THADA: variants seen among roughly 807,000 people sequenced by gnomAD.
THADA encodes the protein tRNA (32-2'-O)-methyltransferase regulator THADA.
THADA carries 213 observed loss-of-function variants against 219.8 expected under a neutral mutation model. The ratio of observed to expected loss-of-function variants is 0.97; its 90% confidence interval spans 0.87 to 1.09. The LOEUF is 1.09. THADA is among the 50% of genes least tolerant of loss of function. The pLI, the probability that THADA is intolerant of heterozygous loss-of-function variation, is 0.00. For missense variants in THADA, 2,956 were observed against 2,311.3 expected (o/e 1.28, Z -5.72); for synonymous variants, 1,018 against 828.9 (o/e 1.23, Z -3.92).
At chr2:43,466,584 C>G (rs1220835049) in intron 26 of THADA, among the ~76,000 whole-genome samples, 1 of 152,144 alleles carries the variant, frequency 6.6e-6, no homozygotes, top group Non-Finnish European at 1.5e-5. Context: ...CTCCTAATGC[C>G]CAGCATATTA....
intron 19 of THADA, among the ~76,000 whole-genome samples, chr2:43,551,296 T>C (rs916432797): frequency 1.3e-5 from 2 of 152,236 alleles, no homozygotes; most frequent in African/African-American, 2.4e-5. Context: ...TTAGCACAGG[T>C]TAAGCATCCC....
chr2:43,443,973 T>C lies in THADA; in HGVS notation c.3837-13671A>G, dbSNP rs1681193937. ...CTCCACAGAGCCCACAGCCAGGGCC[T>C]GGACAAAACAGGTCAGCAACAGAGG... On this transcript the variant is annotated intron_variant, in intron 26 of 37. Transcript: ENST00000405975. 3.3e-5 allele frequency among the ~76,000 whole-genome samples: 5 copies of C among 152,274 alleles called. No individual in the cohort carries two copies. The South Asian group carries it at 1.0e-3, about 32-fold the overall frequency.
chr2:43,385,744 T>A (rs1279463806), intron 29 of THADA, among the ~76,000 whole-genome samples: 1 of 151,574 alleles, frequency 6.6e-6, no homozygotes, highest in Non-Finnish European at 1.5e-5. Context: ...GAAAAAAGTG[T>A]CAAACAGCAC....
intron 29 of THADA, among the ~76,000 whole-genome samples, chr2:43,377,429 A>G (rs1573351849): frequency 6.6e-6 from 1 of 152,110 alleles, no homozygotes; most frequent in Non-Finnish European, 1.5e-5. Flanking sequence ...TACCAAGCTC[A>G]ATGGCAAGAA....
At chr2:43,335,347 T>C (rs1666294030) in intron 30 of THADA, among the ~76,000 whole-genome samples, 1 of 152,090 alleles carries the variant, frequency 6.6e-6, no homozygotes, top group Non-Finnish European at 1.5e-5. Context: ...ATGATAGTAG[T>C]TGTCAGGTAG....
intron 36 of THADA, among the ~76,000 whole-genome samples, chr2:43,237,710 C>T (rs974640735): frequency 6.6e-6 from 1 of 152,024 alleles, no homozygotes; most frequent in African/African-American, 2.4e-5. Flanking sequence ...TGAGCCACCA[C>T]GCTTGGCCTT....
At chr2:43,294,172 T>C (rs1039668176) in intron 31 of THADA, among the ~76,000 whole-genome samples, 3 of 152,214 alleles carry the variant, frequency 2.0e-5, no homozygotes, top group South Asian at 4.1e-4. Flanking sequence ...CTACCTTTCA[T>C]TTGCCGAGAT....
At chr2:43,527,388 T>C (rs1193279009) in intron 22 of THADA, among the ~76,000 whole-genome samples, 4 of 152,208 alleles carry the variant, frequency 2.6e-5, no homozygotes, top group Non-Finnish European at 5.9e-5. Flanking sequence ...ATGAAATCTA[T>C]CTAAGTAGTT....
chr2:43,384,600 A>G (rs1245375448), intron 29 of THADA, among the ~76,000 whole-genome samples: 5 of 152,222 alleles, frequency 3.3e-5, no homozygotes. Flanking sequence ...CTATATGCAC[A>G]TCTAAAAATC....
At chr2:43,517,864 G>A (rs1050446210) in intron 22 of THADA, among the ~76,000 whole-genome samples, 2 of 152,112 alleles carry the variant, frequency 1.3e-5, no homozygotes, top group African/African-American at 4.8e-5. Context: ...AAAGCCCTAC[G>A]TATCTGGACA....
At chr2:43,234,243 TCAA>T (rs1481616981) in intron 36 of THADA, among the ~76,000 whole-genome samples, 21 of 152,206 alleles carry the variant, frequency 1.4e-4, no homozygotes, top group Admixed American at 1.3e-3. Flanking sequence ...AGACCCAGCA[TCAA>T]CAATCCAGAG....
At chr2:43,284,735 C>T (rs1290812457) in intron 35 of THADA, among the ~76,000 whole-genome samples, 1 of 152,182 alleles carries the variant, frequency 6.6e-6, no homozygotes, top group East Asian at 1.9e-4. Flanking sequence ...CCACCGACAG[C>T]TTGCACTGTG....
intron 10 of THADA, among the ~76,000 whole-genome samples, chr2:43,575,594 T>C (rs1468809076): frequency 1.3e-5 from 2 of 152,286 alleles, no homozygotes; most frequent in Non-Finnish European, 2.9e-5. Context: ...TGGAGTGCAG[T>C]GGTGCGATCT....
intron 35 of THADA, among the ~76,000 whole-genome samples, chr2:43,282,828 C>T (rs1317968397): frequency 6.6e-6 from 1 of 152,188 alleles, no homozygotes; most frequent in Admixed American, 6.5e-5. Context: ...CTGCCCTTTC[C>T]TATTACTCTT....
At chr2:43,508,558 A>C in intron 23 of THADA, 90 bp downstream of exon 23, 1 of 1,301,408 alleles carries the variant, frequency 7.7e-7, no homozygotes, top group East Asian at 2.4e-5. Flanking sequence ...CTTTATGTGT[A>C]ATACGCTCAC....
intron 25 of THADA, among the ~76,000 whole-genome samples, chr2:43,493,924 T>C (rs1687957767): frequency 6.6e-6 from 1 of 152,204 alleles, no homozygotes; most frequent in Non-Finnish European, 1.5e-5. Flanking sequence ...CACTTTTACC[T>C]ACATCAATCA....
chr2:43,443,768 T>C (rs1681158222), intron 26 of THADA, among the ~76,000 whole-genome samples: 1 of 152,122 alleles, frequency 6.6e-6, no homozygotes, highest in Admixed American at 6.5e-5. Flanking sequence ...AAAAGGTGAG[T>C]TATTCCCTCT....
intron 29 of THADA, among the ~76,000 whole-genome samples, chr2:43,390,177 G>A (rs528166835): frequency 6.6e-6 from 1 of 152,268 alleles, no homozygotes; most frequent in South Asian, 2.1e-4. Flanking sequence ...TCAGAACCAT[G>A]ACAGACTGAC....
intron 36 of THADA, among the ~76,000 whole-genome samples, chr2:43,237,030 C>A (rs1411312720): frequency 1.4e-5 from 2 of 147,932 alleles, no homozygotes; most frequent in African/African-American, 5.0e-5. Flanking sequence ...CGAGATCGCG[C>A]CACTGCACAC....
Sources: gnomAD v4.1 joint callset for allele counts (sites outside exome capture counted in the v4.1 genomes callset) on GRCh38, gnomAD v4.1.1 for gene constraint, MANE v1.5 for transcripts, NCBI Gene and HGNC (gene_info 2026-07-23, HGNC 2026-07-21) for gene names.